OSBPL1A: variants seen among roughly 807,000 people sequenced by gnomAD.
The protein encoded by OSBPL1A is oxysterol binding protein like 1A, also known as oxysterol-binding protein-related protein 1.
Under a neutral mutation model 137.1 loss-of-function variants are expected in OSBPL1A, and 80 were observed. The ratio of observed to expected loss-of-function variants is 0.58; its 90% confidence interval spans 0.49 to 0.70. The LOEUF (loss-of-function observed/expected upper bound fraction) is 0.70. Ranked by LOEUF, OSBPL1A falls within the 30% of genes least tolerant of loss-of-function variation. The probability of loss-of-function intolerance (pLI) is 0.00; values close to 1 mark genes in which losing one functional copy is unlikely to be tolerated. For synonymous variants in OSBPL1A, 365 were observed against 389.7 expected, an observed-to-expected ratio of 0.94 and a Z score of 0.75; for missense variants, 970 against 1,129.4, an observed-to-expected ratio of 0.86 and a Z score of 2.02.
intron 26 of OSBPL1A, among the ~76,000 whole-genome samples, chr18:24,166,185 A>G (rs974879127): frequency 2.6e-5 from 4 of 152,222 alleles, no homozygotes; most frequent in Non-Finnish European, 5.9e-5. Flanking sequence ...CACATACTAC[A>G]TAAGTATATA....
At chr18:24,165,365 C>T (rs1329971611) in intron 26 of OSBPL1A, among the ~76,000 whole-genome samples, 1 of 152,220 alleles carries the variant, frequency 6.6e-6, no homozygotes, top group Non-Finnish European at 1.5e-5. Flanking sequence ...CGCAGCATCT[C>T]TTTCACAGCC....
At chr18:24,195,941 C>T (rs2087018276) in intron 18 of OSBPL1A, 184 bp downstream of exon 18, 1 of 567,360 alleles carries the variant, frequency 1.8e-6, no homozygotes, top group East Asian at 3.1e-5. Flanking sequence ...CACACTAAAG[C>T]CATTAGAGCA....
chr18:24,355,991 AAAAAAAAAAGAAAAG>A (rs1232681028), intron 4 of OSBPL1A, among the ~76,000 whole-genome samples: 129 of 146,112 alleles, frequency 8.8e-4, no homozygotes, highest in Admixed American at 2.7e-3. Context: ...GTCTCAAAAA[AAAAAAAAAAGAAAAG>A]AAAAAAAAAG....
At chr18:24,221,713 A>T (rs751876432) in intron 17 of OSBPL1A, among the ~76,000 whole-genome samples, 5 of 152,174 alleles carry the variant, frequency 3.3e-5, no homozygotes, top group Non-Finnish European at 7.3e-5. Context: ...TTCCCTCACT[A>T]ATCTGCTATG....
At chr18:24,192,964 C>T (rs559797838) in intron 18 of OSBPL1A, among the ~76,000 whole-genome samples, 22 of 152,116 alleles carry the variant, frequency 1.4e-4, no homozygotes, top group East Asian at 3.9e-4. Flanking sequence ...GCTTACACCC[C>T]GCACTCTGTC....
chr18:24,237,993 CCTTT>C (rs1267749186), intron 16 of OSBPL1A, among the ~76,000 whole-genome samples: 1 of 152,136 alleles, frequency 6.6e-6, no homozygotes, highest in Admixed American at 6.5e-5. Flanking sequence ...TTACTTCTTC[CCTTT>C]CTTTTACTTC....
At chr18:24,371,113 A>T (rs920723865) in intron 2 of OSBPL1A, among the ~76,000 whole-genome samples, 5 of 152,106 alleles carry the variant, frequency 3.3e-5, no homozygotes, top group African/African-American at 9.7e-5. Context: ...CAGCCTAAAA[A>T]ACCTCCAAAG....
intron 13 of OSBPL1A, among the ~76,000 whole-genome samples, chr18:24,310,196 G>T (rs1236410605): frequency 6.6e-6 from 1 of 151,848 alleles, no homozygotes; most frequent in Non-Finnish European, 1.5e-5. Flanking sequence ...AAAGGCAAAA[G>T]CTTCATGGTT....
chr18:24,258,293 A>G (rs1311034114), intron 15 of OSBPL1A, among the ~76,000 whole-genome samples: 6 of 152,254 alleles, frequency 3.9e-5, no homozygotes, highest in Non-Finnish European at 7.3e-5. Flanking sequence ...CATAAAAAAA[A>G]GAACAAGATC....
intron 15 of OSBPL1A, among the ~76,000 whole-genome samples, chr18:24,264,592 C>G (rs2089524603): frequency 6.6e-6 from 1 of 152,164 alleles, no homozygotes; most frequent in South Asian, 2.1e-4. Context: ...CAAATCTTCA[C>G]AAAAAGATGG....
intron 18 of OSBPL1A, among the ~76,000 whole-genome samples, chr18:24,185,873 C>T (rs1295691396): frequency 2.0e-5 from 3 of 152,114 alleles, no homozygotes; most frequent in African/African-American, 7.2e-5. Flanking sequence ...GAATTCGAGA[C>T]CCGCCTGGGC....
chr18:24,329,506 C>T (rs1167010113), intron 7 of OSBPL1A, among the ~76,000 whole-genome samples: 3 of 148,892 alleles, frequency 2.0e-5, no homozygotes, highest in Admixed American at 6.7e-5. Flanking sequence ...GTCGAGATCG[C>T]GCCACTGCAC....
intron 4 of OSBPL1A, among the ~76,000 whole-genome samples, chr18:24,343,514 C>A (rs901612043): frequency 1.3e-5 from 2 of 151,976 alleles, no homozygotes; most frequent in Non-Finnish European, 2.9e-5. Context: ...CCCAAAAAGC[C>A]AAAATAATAT....
chr18:24,318,912 T>G, intron 7 of OSBPL1A, 103 bp from the exon 8 acceptor site: 1 of 975,128 alleles, frequency 1.0e-6, no homozygotes, highest in Non-Finnish European at 1.6e-6. Context: ...TTCTATTGCC[T>G]ATATCTTTTT....
At chr18:24,170,274 T>C in intron 24 of OSBPL1A, 53 bp downstream of exon 24, 1 of 1,607,702 alleles carries the variant, frequency 6.2e-7, no homozygotes, top group South Asian at 1.1e-5. Flanking sequence ...AAAGGATTAG[T>C]ACACATTGAA....
chr18:24,180,843 C>G (rs1256765753), intron 19 of OSBPL1A, among the ~76,000 whole-genome samples: 2 of 152,116 alleles, frequency 1.3e-5, no homozygotes, highest in African/African-American at 2.4e-5. Flanking sequence ...CACCACTGCA[C>G]TCCAGCCTGG....
intron 15 of OSBPL1A, 66 bp downstream of exon 15, chr18:24,280,776 T>G (rs2089940144): frequency 3.5e-6 from 4 of 1,133,482 alleles, no homozygotes; most frequent in Non-Finnish European, 4.9e-6. Flanking sequence ...AAGCAATGAC[T>G]TCATGGACAA....
intron 14 of OSBPL1A, among the ~76,000 whole-genome samples, chr18:24,283,279 A>ATATATATATATATAT: frequency 1.2e-5 from 1 of 85,164 alleles, no homozygotes; most frequent in African/African-American, 4.3e-5. Context: ...AAAAAAAAAA[A>ATATATATATATATAT]AAATATATAT....
At chr18:24,237,392 C>T (rs1265569716) in intron 16 of OSBPL1A, among the ~76,000 whole-genome samples, 1 of 152,146 alleles carries the variant, frequency 6.6e-6, no homozygotes, top group Non-Finnish European at 1.5e-5. Flanking sequence ...GCAACCTCTA[C>T]TTCCTGGGCT....
Sources: allele counts gnomAD v4.1 joint callset (sites outside exome capture counted in the v4.1 genomes callset), GRCh38; gene constraint gnomAD v4.1.1; transcripts MANE v1.5; gene names NCBI Gene and HGNC (gene_info 2026-07-23, HGNC 2026-07-21).